Variants in FREM1 observed in about 807,000 individuals in gnomAD.
FREM1 encodes the protein FRAS1 related extracellular matrix 1.
In FREM1, 220 loss-of-function variants were observed where a neutral mutation model predicts 210.1. That is an observed-to-expected ratio of 1.05 (90% CI 0.94 to 1.17). The LOEUF (loss-of-function observed/expected upper bound fraction) is 1.17. Among genes scored for constraint, FREM1 ranks in the 50% most tolerant of loss-of-function variants. The probability of loss-of-function intolerance (pLI) is 0.00; values close to 1 mark genes in which losing one functional copy is unlikely to be tolerated. For missense variants in FREM1, 3,454 were observed against 2,675.5 expected, an observed-to-expected ratio of 1.29 and a Z score of -6.42; for synonymous variants, 1,189 against 980.2, an observed-to-expected ratio of 1.21 and a Z score of -3.98.
chr9:14,872,817 G>C (rs1238903956), intron 1 of FREM1, among the ~76,000 whole-genome samples: 2 of 151,968 alleles, frequency 1.3e-5, no homozygotes, highest in East Asian at 1.9e-4. Flanking sequence ...GTCATAGATA[G>C]CTTTTATTAT....
intron 12 of FREM1, among the ~76,000 whole-genome samples, chr9:14,823,640 G>A (rs899287855): frequency 6.6e-6 from 1 of 152,042 alleles, no homozygotes; most frequent in Admixed American, 6.6e-5. Flanking sequence ...TTTATGTCCT[G>A]GCAGTTTATT....
At chr9:14,860,932 T>C (rs1277500839) in intron 3 of FREM1, among the ~76,000 whole-genome samples, 1 of 120,748 alleles carries the variant, frequency 8.3e-6, no homozygotes, top group Non-Finnish European at 1.6e-5. Flanking sequence ...TATATACACA[T>C]ATACACACAT....
At chr9:14,870,568 A>G (rs80350491) in intron 1 of FREM1, among the ~76,000 whole-genome samples, 4,087 of 152,236 alleles carry the variant, frequency 0.027, 170 homozygotes, top group African/African-American at 0.092. Context: ...TATTCCTGTT[A>G]CATAATCAGT....
Position 14,863,790 on chromosome 9 carries a change from A to G in FREM1, c.329+19T>C. ...ATGGTTACTTGGCAGCAAATGAGCG[A>G]TGTTCCCGTGCCGCTTACCTGTAAA... On this transcript the variant is annotated intron_variant, in intron 3 of 36. Transcript: ENST00000380880. 1 of 1,505,666 alleles carries G rather than the reference A, an allele frequency of 6.6e-7. No homozygotes were observed. The highest frequency in any genetic ancestry group is 9.2e-7 in the Non-Finnish European group (1 of 1,081,880). The allele number at this position is 1,505,666 out of a possible 1,614,324, so 93.3% of individuals were successfully genotyped here.
rs373535650 is a variant in FREM1, at chr9:14,823,271, G to T, written c.2226C>A (p.Pro742=). 12 of 1,613,790 alleles carry T rather than the reference G, an allele frequency of 7.4e-6. No individual in the cohort carries two copies. The African/African-American group carries it at 1.5e-4, about 20-fold the overall frequency. Residue 742 remains proline, a synonymous_variant, in exon 13 of 37, where the codon CCC becomes CCA. Transcript: ENST00000380880. ...AYMPPMQDIG[P]HCRDVQFTFS... ...ATGTGAACTGGACATCTCTGCAATG[G>T]GGACCAATGTCTTGCATGGGGGGCA... is the stretch of plus-strand genomic sequence containing the variant.
intron 6 of FREM1, among the ~76,000 whole-genome samples, chr9:14,851,030 G>A (rs1432335931): frequency 6.6e-6 from 1 of 152,194 alleles, no homozygotes. Context: ...GCAGTGGTGG[G>A]CATGAGCTGA....
At chr9:14,743,252 A>T (rs1841875129) in intron 35 of FREM1, among the ~76,000 whole-genome samples, 1 of 152,026 alleles carries the variant, frequency 6.6e-6, no homozygotes. Context: ...TATTGTGATG[A>T]TCGAATGGTA....
intron 1 of FREM1, among the ~76,000 whole-genome samples, chr9:14,890,797 G>GA (rs1836682441): frequency 1.3e-5 from 2 of 152,080 alleles, no homozygotes; most frequent in African/African-American, 2.4e-5. Context: ...ATTGCAGAGG[G>GA]AAAAAATGTG....
intron 25 of FREM1, among the ~76,000 whole-genome samples, chr9:14,772,508 A>G (rs919274905): frequency 6.6e-6 from 1 of 152,244 alleles, no homozygotes; most frequent in Non-Finnish European, 1.5e-5. Flanking sequence ...CTAATTGAAC[A>G]AAATAAAAGA....
chr9:14,859,326 T>A lies in FREM1; in HGVS notation c.488A>T (p.Tyr163Phe), dbSNP rs1244003884. 6.2e-7 allele frequency: 1 copy of A among 1,613,920 alleles called. No individual in the cohort carries two copies. Among genetic ancestry groups the A allele is most frequent in the Admixed American group, 1.7e-5 (1 of 60,018 alleles). Residue 163 changes from tyrosine (Y) to phenylalanine (F), a missense_variant, in exon 4 of 37, where the codon TAT (tyrosine) becomes TTT (phenylalanine). Tyr to Phe is a conservative substitution (Grantham distance 22, BLOSUM62 3). Transcript: ENST00000380880. ...AIDKNLLRFD[Y>F]DRMASLECTV... is the part of the protein sequence containing the mutation. ...ACATTCCAGGCTAGCCATCCTATCA[T>A]AATCGAATCTGAGCAGATTTTTATC...
intron 27 of FREM1, among the ~76,000 whole-genome samples, chr9:14,768,049 T>C (rs1846766996): frequency 6.6e-6 from 1 of 152,176 alleles, no homozygotes; most frequent in African/African-American, 2.4e-5. Context: ...TTTGAGAGTA[T>C]ATTTAAAAAT....
At chr9:14,875,348 A>G (rs10810276) in intron 1 of FREM1, among the ~76,000 whole-genome samples, 9,581 of 152,218 alleles carry the variant, frequency 0.063, 361 homozygotes, top group East Asian at 0.14. Flanking sequence ...ACATAGTCCC[A>G]TATTTCTTGG....
intron 35 of FREM1, among the ~76,000 whole-genome samples, chr9:14,744,190 G>C (rs1363995123): frequency 1.3e-5 from 2 of 151,832 alleles, no homozygotes; most frequent in East Asian, 1.9e-4. Context: ...TAGAGAAAAA[G>C]GTGGTTTAAC....
intron 15 of FREM1, among the ~76,000 whole-genome samples, chr9:14,814,840 C>CTT (rs774965098): frequency 4.6e-5 from 7 of 152,060 alleles, no homozygotes; most frequent in Non-Finnish European, 8.8e-5. Context: ...CTCTGTTTGG[C>CTT]TTTTAAAGAC....
At chr9:14,741,178 T>G (rs1281043786) in intron 35 of FREM1, among the ~76,000 whole-genome samples, 1 of 152,212 alleles carries the variant, frequency 6.6e-6, no homozygotes, top group African/African-American at 2.4e-5. Flanking sequence ...TTTTGCCTGG[T>G]TAATATCCAT....
At chr9:14,815,859 G>A (rs1820210527) in intron 15 of FREM1, among the ~76,000 whole-genome samples, 1 of 152,082 alleles carries the variant, frequency 6.6e-6, no homozygotes, top group Non-Finnish European at 1.5e-5. Flanking sequence ...TTTTGGACAG[G>A]GTGGTCTTGA....
At chr9:14,885,082 G>T (rs570660737) in intron 1 of FREM1, among the ~76,000 whole-genome samples, 2 of 122,088 alleles carry the variant, frequency 1.6e-5, no homozygotes, top group Admixed American at 8.5e-5. Context: ...CCGCCACCGC[G>T]CCCGGCTAAT....
intron 19 of FREM1, 61 bp from the exon 20 acceptor site, chr9:14,801,935 A>T: frequency 8.1e-7 from 1 of 1,229,942 alleles, no homozygotes; most frequent in South Asian, 1.4e-5. Context: ...CTTTCTTTGG[A>T]AAACTGCTTA....
intron 1 of FREM1, among the ~76,000 whole-genome samples, chr9:14,883,713 C>T (rs1835243713): frequency 6.6e-6 from 1 of 152,214 alleles, no homozygotes; most frequent in East Asian, 1.9e-4. Context: ...CCAACTTCTA[C>T]ATGAAAAACA....
Sources: gnomAD v4.1 joint callset for allele counts (sites outside exome capture counted in the v4.1 genomes callset) on GRCh38, gnomAD v4.1.1 for gene constraint, MANE v1.5 for transcripts, NCBI Gene and HGNC (gene_info 2026-07-23, HGNC 2026-07-21) for gene names.